Variants in TBC1D22A observed in about 807,000 individuals in gnomAD.
TBC1D22A encodes TBC1 domain family member 22A.
In TBC1D22A, 38 loss-of-function variants were observed where a neutral mutation model predicts 60.2. The observed-to-expected ratio is 0.63, with a 90% CI of 0.49 to 0.83. The LOEUF (loss-of-function observed/expected upper bound fraction) is 0.83. TBC1D22A is among the 40% of genes least tolerant of loss of function. The pLI is 0.00. For missense variants in TBC1D22A, 628 were observed against 701.0 expected (o/e 0.90, Z 1.18); for synonymous variants, 302 against 281.7 (o/e 1.07, Z -0.72).
chr22:47,071,457 G>A (rs761558037), intron 11 of TBC1D22A, among the ~76,000 whole-genome samples: 2 of 152,212 alleles, frequency 1.3e-5, no homozygotes, highest in Non-Finnish European at 2.9e-5. Flanking sequence ...CCAGCCACCT[G>A]AGCCACTGAG....
intron 12 of TBC1D22A, among the ~76,000 whole-genome samples, chr22:47,120,431 C>T (rs888110751): frequency 7.2e-5 from 11 of 152,202 alleles, no homozygotes; most frequent in African/African-American, 2.7e-4. Context: ...CACACACACG[C>T]ACACACAACA....
chr22:46,845,254 T>A (rs1176391453), intron 4 of TBC1D22A, among the ~76,000 whole-genome samples: 1 of 152,254 alleles, frequency 6.6e-6, no homozygotes, highest in Non-Finnish European at 1.5e-5. Flanking sequence ...TCTCTGTGCT[T>A]GAGACGTAAG....
At position 46,928,513 on chromosome 22, in the gene TBC1D22A, A is replaced by G. The variant is rs139221729; in HGVS notation, c.1015+16325A>G. 5.0e-3 allele frequency among the ~76,000 whole-genome samples: 768 copies of G among 152,358 alleles called. 6 individuals carry two copies. Among genetic ancestry groups the G allele is most frequent in the African/African-American group, 0.018 (732 of 41,586 alleles). On this transcript the variant is annotated intron_variant, in intron 8 of 12. Transcript: ENST00000337137. Reference sequence around the variant, plus strand: ...AATCTTCATGACCTTGGGTTAGGCCATGGTTTCTGAGATATGACACCAAAA... The same window carrying G: ...AATCTTCATGACCTTGGGTTAGGCCGTGGTTTCTGAGATATGACACCAAAA...
intron 12 of TBC1D22A, among the ~76,000 whole-genome samples, chr22:47,124,847 C>T (rs997854616): frequency 6.6e-6 from 1 of 151,930 alleles, no homozygotes; most frequent in African/African-American, 2.4e-5. Context: ...ACTGAGGCAG[C>T]AGTGCCGCAG....
At chr22:46,937,980 T>A (rs1179187990) in intron 8 of TBC1D22A, among the ~76,000 whole-genome samples, 1 of 152,202 alleles carries the variant, frequency 6.6e-6, no homozygotes, top group African/African-American at 2.4e-5. Flanking sequence ...GTTAAAAAGT[T>A]AATAAAGTAA....
chr22:46,987,175 C>T (rs894450299), intron 9 of TBC1D22A, among the ~76,000 whole-genome samples: 2 of 152,220 alleles, frequency 1.3e-5, no homozygotes, highest in African/African-American at 4.8e-5. Context: ...GTCATGCCCC[C>T]TGTACGCTTT....
At chr22:46,834,675 A>C (rs190033031) in intron 4 of TBC1D22A, among the ~76,000 whole-genome samples, 1 of 152,346 alleles carries the variant, frequency 6.6e-6, no homozygotes, top group African/African-American at 2.4e-5. Context: ...TAGTCAGGGC[A>C]TGGAACTCAA....
At chr22:46,830,781 C>A (rs2086273862) in intron 4 of TBC1D22A, among the ~76,000 whole-genome samples, 1 of 152,234 alleles carries the variant, frequency 6.6e-6, no homozygotes, top group Admixed American at 6.5e-5. Flanking sequence ...AAAGTTCATT[C>A]TGGTGCAAGT....
In TBC1D22A at chr22:47,117,354, G is replaced by A. The variant is rs112905835; in HGVS notation, c.1425+5751G>A. 2 of 121,586 alleles carry A rather than the reference G, an allele frequency of 1.6e-5. 1 individual carries two copies. Among genetic ancestry groups the A allele is most frequent in the South Asian group, 5.6e-4 (2 of 3,578 alleles). 7.5% of individuals were successfully genotyped at this position (121,586 alleles called of 1,614,324 possible). On this transcript the variant is annotated intron_variant, in intron 12 of 12. Coordinates refer to ENST00000337137, the MANE Select transcript of TBC1D22A (RefSeq NM_014346.5). ...CACCCCACACCGTGGCATCGAGCAG[G>A]GAGAGTCACCCCACACCGTGGCATC...
chr22:47,050,718 C>T (rs1054156987), intron 11 of TBC1D22A, among the ~76,000 whole-genome samples: 11 of 123,394 alleles, frequency 8.9e-5, no homozygotes, highest in East Asian at 8.0e-4. Context: ...CAGGCCATGG[C>T]GGGGGCTCGG....
chr22:46,869,961 A>G lies in TBC1D22A; in HGVS notation c.638-8692A>G, dbSNP rs575549283. Among the ~76,000 whole-genome samples the G allele has an allele frequency of 6.6e-5, 10 of 152,306 alleles. No homozygotes were observed. The East Asian group carries it at 9.6e-4, about 15-fold the overall frequency. On this transcript the variant is annotated intron_variant, in intron 4 of 12. Coordinates refer to ENST00000337137, the MANE Select transcript of TBC1D22A (RefSeq NM_014346.5). ...TCTCAAATGTGATATTTTACATCCA[A>G]TTAGAATGAATGAGTCCCAGTTGCT...
At chr22:46,945,996 C>T (rs1270151863) in intron 8 of TBC1D22A, among the ~76,000 whole-genome samples, 2 of 152,218 alleles carry the variant, frequency 1.3e-5, no homozygotes, top group African/African-American at 4.8e-5. Context: ...CAGTGACATT[C>T]TGTGTAATTC....
intron 1 of TBC1D22A, among the ~76,000 whole-genome samples, chr22:46,768,457 C>A (rs1214983716): frequency 7.2e-6 from 1 of 138,088 alleles, no homozygotes; most frequent in African/African-American, 2.8e-5. Flanking sequence ...CGCCCCGCAG[C>A]CTGGGCAACA....
intron 5 of TBC1D22A, among the ~76,000 whole-genome samples, chr22:46,886,538 T>G (rs531773031): frequency 1.3e-4 from 20 of 152,344 alleles, no homozygotes; most frequent in African/African-American, 4.6e-4. Flanking sequence ...TCGTGAACCT[T>G]GAAGGTATCC....
intron 8 of TBC1D22A, among the ~76,000 whole-genome samples, chr22:46,917,437 A>G (rs1233428995): frequency 1.3e-5 from 2 of 152,182 alleles, no homozygotes; most frequent in African/African-American, 2.4e-5. Flanking sequence ...GAGGGCACCA[A>G]GGTGGCTTGG....
chr22:46,841,966 A>G (rs2086791347), intron 4 of TBC1D22A, among the ~76,000 whole-genome samples: 1 of 152,202 alleles, frequency 6.6e-6, no homozygotes, highest in Admixed American at 6.5e-5. Context: ...TTTGCATACC[A>G]TTTTTACTTT....
chr22:46,842,777 T>C (rs868639192), intron 4 of TBC1D22A, among the ~76,000 whole-genome samples: 1 of 152,072 alleles, frequency 6.6e-6, no homozygotes, highest in Non-Finnish European at 1.5e-5. Context: ...CTTCGGGAGA[T>C]GAGTTGGGGA....
chr22:46,983,604 G>A (rs1251003023), intron 9 of TBC1D22A, among the ~76,000 whole-genome samples: 3 of 152,054 alleles, frequency 2.0e-5, no homozygotes, highest in African/African-American at 7.2e-5. Flanking sequence ...TGGCTTTCTG[G>A]AGTAACCTGG....
chr22:46,975,388 A>T (rs771287851), intron 9 of TBC1D22A, among the ~76,000 whole-genome samples: 6 of 152,144 alleles, frequency 3.9e-5, no homozygotes, highest in Admixed American at 1.3e-4. Flanking sequence ...GACTTGTCAG[A>T]TAGAGGAGGG....
Sources: allele counts gnomAD v4.1 joint callset (sites outside exome capture counted in the v4.1 genomes callset), GRCh38; gene constraint gnomAD v4.1.1; transcripts MANE v1.5; gene names NCBI Gene and HGNC (gene_info 2026-07-23, HGNC 2026-07-21).